ESRRG: variants seen among roughly 807,000 people sequenced by gnomAD.
The protein encoded by ESRRG is estrogen related receptor gamma, also known as estrogen-related receptor gamma.
A neutral mutation model predicts 44.0 loss-of-function variants in ESRRG; 13 were observed. That is an observed-to-expected ratio of 0.30 (90% CI 0.19 to 0.47). The LOEUF is 0.47. Ranked by LOEUF, ESRRG falls within the 20% of genes least tolerant of loss-of-function variation. The probability of loss-of-function intolerance (pLI) is 1.00; values close to 1 mark genes in which losing one functional copy is unlikely to be tolerated. For missense variants in ESRRG, 395 were observed against 580.6 expected (o/e 0.68, Z 3.29); for synonymous variants, 215 against 214.6 (o/e 1.00, Z -0.02).
chr1:216,578,093 A>G (rs1262905847), intron 3 of ESRRG, among the ~76,000 whole-genome samples: 3 of 152,114 alleles, frequency 2.0e-5, no homozygotes, highest in Non-Finnish European at 4.4e-5. Flanking sequence ...TTGAAATTCA[A>G]AATAAAGTAA....
intron 1 of ESRRG, among the ~76,000 whole-genome samples, chr1:216,985,143 A>T (rs1411589130): frequency 6.6e-6 from 1 of 152,174 alleles, no homozygotes; most frequent in African/African-American, 2.4e-5. Flanking sequence ...AGCTGGAGAG[A>T]ATCTGTGAAT....
rs189022394 is a variant in ESRRG at position 216,858,234 on chromosome 1, G to A, written c.-14+81348C>T. 2.6e-3 allele frequency among the ~76,000 whole-genome samples: 402 copies of A among 151,820 alleles called. 3 individuals are homozygous for A. Among genetic ancestry groups the A allele is most frequent in the African/African-American group, 9.0e-3 (373 of 41,404 alleles). ...GGGTGGATCACGAGGTCAGGAGATC[G>A]AGACCATCCTGGCTAACACGGTGAA... On this transcript the variant is annotated intron_variant, in intron 2 of 7. Coordinates refer to the ESRRG transcript ENST00000359162.
At chr1:216,599,847 A>G (rs530119827) in intron 3 of ESRRG, among the ~76,000 whole-genome samples, 17 of 152,090 alleles carry the variant, frequency 1.1e-4, no homozygotes, top group African/African-American at 3.4e-4. Flanking sequence ...GAAAGAGAAG[A>G]AAAAGGTACC....
At chr1:217,093,292 C>A (rs1377761136), upstream of ESRRG, among the ~76,000 whole-genome samples, 1 of 152,072 alleles carries the variant, frequency 6.6e-6, no homozygotes, top group Non-Finnish European at 1.5e-5. Flanking sequence ...CAAGGTCCCT[C>A]CAGCTCCAAG....
At chr1:216,741,740 G>C (rs2090764268) in intron 2 of ESRRG, among the ~76,000 whole-genome samples, 1 of 152,092 alleles carries the variant, frequency 6.6e-6, no homozygotes, top group South Asian at 2.1e-4. Context: ...TGCTGTCTAA[G>C]CTTTGAATTC....
At chr1:216,659,877 C>T (rs113372220) in intron 2 of ESRRG, among the ~76,000 whole-genome samples, 1 of 152,166 alleles carries the variant, frequency 6.6e-6, no homozygotes, top group Non-Finnish European at 1.5e-5. Flanking sequence ...CGTCTTACTC[C>T]TTTCAGAATC....
At chr1:216,889,578 A>T (rs999407036) in intron 2 of ESRRG, among the ~76,000 whole-genome samples, 1 of 152,118 alleles carries the variant, frequency 6.6e-6, no homozygotes, top group Non-Finnish European at 1.5e-5. Flanking sequence ...CGTGCACCAT[A>T]CTCTGATTTC....
At chr1:216,750,320 T>G (rs1474253947) in intron 2 of ESRRG, among the ~76,000 whole-genome samples, 1 of 152,154 alleles carries the variant, frequency 6.6e-6, no homozygotes, top group Non-Finnish European at 1.5e-5. Context: ...AGTACCACAT[T>G]CCATTTGTGA....
At chr1:216,811,135 T>C (rs1045287426) in intron 2 of ESRRG, among the ~76,000 whole-genome samples, 1 of 152,142 alleles carries the variant, frequency 6.6e-6, no homozygotes, top group African/African-American at 2.4e-5. Context: ...GATTTCCTTT[T>C]TAAATAAGAG....
chr1:216,678,206 G>T (rs937401193), intron 1 of ESRRG, among the ~76,000 whole-genome samples: 2 of 152,130 alleles, frequency 1.3e-5, no homozygotes, highest in African/African-American at 2.4e-5. Context: ...AATATTTAAA[G>T]ATTATTCCTA....
chr1:216,743,124 C>G (rs995160172), intron 2 of ESRRG, among the ~76,000 whole-genome samples: 3 of 152,178 alleles, frequency 2.0e-5, no homozygotes, highest in African/African-American at 7.2e-5. Context: ...TGGAATGAGG[C>G]TGCTAGCTGT....
chr1:216,769,796 T>C (rs1461477249), intron 2 of ESRRG, among the ~76,000 whole-genome samples: 3 of 152,066 alleles, frequency 2.0e-5, no homozygotes, highest in Non-Finnish European at 4.4e-5. Context: ...GAATTTGAAA[T>C]GCTAACTGGA....
chr1:216,832,103 T>C (rs2095496438), intron 2 of ESRRG, among the ~76,000 whole-genome samples: 1 of 152,182 alleles, frequency 6.6e-6, no homozygotes, highest in South Asian at 2.1e-4. Flanking sequence ...GCAGTGCATT[T>C]TGTCTTATGA....
At chr1:216,720,828 G>A (rs1270207576) in intron 1 of ESRRG, among the ~76,000 whole-genome samples, 1 of 152,174 alleles carries the variant, frequency 6.6e-6, no homozygotes, top group East Asian at 1.9e-4. Flanking sequence ...TGATCAGGCT[G>A]AAATTTACTA....
intron 1 of ESRRG, among the ~76,000 whole-genome samples, chr1:217,011,538 G>C (rs1488048477): frequency 6.6e-6 from 1 of 152,182 alleles, no homozygotes; most frequent in Non-Finnish European, 1.5e-5. Flanking sequence ...CTGCCTACAT[G>C]CAAAGCATTT....
intron 2 of ESRRG, among the ~76,000 whole-genome samples, chr1:216,913,873 C>G (rs1318693243): frequency 1.3e-5 from 2 of 152,042 alleles, no homozygotes; most frequent in East Asian, 1.9e-4. Flanking sequence ...AGGTTTTTAC[C>G]CTTTTCTGAC....
intron 3 of ESRRG, among the ~76,000 whole-genome samples, chr1:216,632,847 G>A (rs1178162960): frequency 6.6e-6 from 1 of 152,152 alleles, no homozygotes; most frequent in East Asian, 1.9e-4. Flanking sequence ...AAATTTGACT[G>A]ATTTTAAGTT....
intron 1 of ESRRG, among the ~76,000 whole-genome samples, chr1:217,098,476 T>C (rs948220311): frequency 9.2e-5 from 14 of 152,272 alleles, no homozygotes; most frequent in African/African-American, 3.4e-4. Flanking sequence ...CACATTCCAG[T>C]CTCATACTGA....
chr1:217,011,900 T>C (rs2078669374), intron 1 of ESRRG, among the ~76,000 whole-genome samples: 1 of 152,188 alleles, frequency 6.6e-6, no homozygotes, highest in Admixed American at 6.5e-5. Context: ...CCGAGTTTTG[T>C]ATACAACTTT....
Sources: allele counts gnomAD v4.1 joint callset (sites outside exome capture counted in the v4.1 genomes callset), GRCh38; gene constraint gnomAD v4.1.1; transcripts MANE v1.5; gene names NCBI Gene and HGNC (gene_info 2026-07-23, HGNC 2026-07-21).